The following NKAIN3 variants were observed in gnomAD, a reference collection of about 807,000 sequenced individuals.
NKAIN3 encodes sodium/potassium-transporting ATPase subunit beta-1-interacting protein 3.
In NKAIN3, 25 loss-of-function variants were observed where a neutral mutation model predicts 30.2. That is an observed-to-expected ratio of 0.83 (90% CI 0.60 to 1.16). NKAIN3 has a LOEUF of 1.16. NKAIN3 is among the 50% of genes most tolerant of loss of function. The pLI is 0.00. For missense variants in NKAIN3, 225 were observed against 254.1 expected, an observed-to-expected ratio of 0.89 and a Z score of 0.78; for synonymous variants, 91 against 89.6, an observed-to-expected ratio of 1.02 and a Z score of -0.09.
At chr8:62,852,811 C>T (rs1347532762) in intron 4 of NKAIN3, among the ~76,000 whole-genome samples, 1 of 152,152 alleles carries the variant, frequency 6.6e-6, no homozygotes, top group Non-Finnish European at 1.5e-5. Context: ...GCTCTGTGGT[C>T]TGAGAGACAG....
At chr8:62,522,905 T>G (rs1359597642) in intron 1 of NKAIN3, among the ~76,000 whole-genome samples, 1 of 152,100 alleles carries the variant, frequency 6.6e-6, no homozygotes, top group Non-Finnish European at 1.5e-5. Flanking sequence ...TAAGGTTAAC[T>G]TATTACTGAA....
At chr8:62,916,356 G>A (rs1486446199) in intron 4 of NKAIN3, among the ~76,000 whole-genome samples, 2 of 152,178 alleles carry the variant, frequency 1.3e-5, no homozygotes, top group African/African-American at 4.8e-5. Context: ...TGGGTCATAA[G>A]AGTATAAGTG....
chr8:62,848,372 A>G (rs1819756635), intron 4 of NKAIN3, among the ~76,000 whole-genome samples: 1 of 152,062 alleles, frequency 6.6e-6, no homozygotes, highest in South Asian at 2.1e-4. Flanking sequence ...TTCTTCTTAA[A>G]AATATCCTTC....
intron 1 of NKAIN3, among the ~76,000 whole-genome samples, chr8:62,391,979 C>T (rs567858931): frequency 9.9e-5 from 15 of 151,768 alleles, no homozygotes; most frequent in Admixed American, 2.0e-4. Flanking sequence ...AATCTCTGAC[C>T]CTCTCTCAAT....
At chr8:62,993,807 G>T (rs1307599344) in intron 5 of NKAIN3, among the ~76,000 whole-genome samples, 2 of 152,166 alleles carry the variant, frequency 1.3e-5, no homozygotes, top group Non-Finnish European at 2.9e-5. Flanking sequence ...TTAGAGAAAT[G>T]AATGAGGCAG....
At chr8:62,694,191 T>G (rs867677774) in intron 3 of NKAIN3, among the ~76,000 whole-genome samples, 4 of 152,176 alleles carry the variant, frequency 2.6e-5, no homozygotes, top group Non-Finnish European at 5.9e-5. Context: ...TTCTATCTAG[T>G]GGTGTTTTGG....
chr8:62,418,650 G>T (rs1451844), intron 1 of NKAIN3, among the ~76,000 whole-genome samples: 84,244 of 151,960 alleles, frequency 0.55, 25,748 homozygotes, highest in East Asian at 0.67. Context: ...GTTGTCTAAA[G>T]TATTACATTT....
intron 1 of NKAIN3, among the ~76,000 whole-genome samples, chr8:62,282,462 G>A (rs1480697717): frequency 6.6e-6 from 1 of 152,140 alleles, no homozygotes; most frequent in Non-Finnish European, 1.5e-5. Context: ...TCAATTCAGA[G>A]TATAGATTTT....
intron 1 of NKAIN3, among the ~76,000 whole-genome samples, chr8:62,256,416 C>T (rs1275686231): frequency 6.6e-6 from 1 of 151,772 alleles, no homozygotes; most frequent in East Asian, 1.9e-4. Flanking sequence ...AAGAATCTGT[C>T]TCTAAATAAA....
At chr8:62,366,380 C>A (rs974833789) in intron 1 of NKAIN3, among the ~76,000 whole-genome samples, 10 of 152,172 alleles carry the variant, frequency 6.6e-5, no homozygotes, top group African/African-American at 2.4e-4. Context: ...GCATGCACCA[C>A]TGTAGTTGAT....
chr8:62,899,308 T>C (rs1384991166), intron 4 of NKAIN3, among the ~76,000 whole-genome samples: 1 of 152,140 alleles, frequency 6.6e-6, no homozygotes, highest in Non-Finnish European at 1.5e-5. Flanking sequence ...CTGTTTACAA[T>C]AGGCAAAATT....
chr8:62,787,186 T>A (rs1167051619), intron 4 of NKAIN3, among the ~76,000 whole-genome samples: 1 of 152,182 alleles, frequency 6.6e-6, no homozygotes, highest in African/African-American at 2.4e-5. Flanking sequence ...ATGGCATTCC[T>A]CAAGCAATAA....
intron 1 of NKAIN3, among the ~76,000 whole-genome samples, chr8:62,414,509 C>G (rs368816908): frequency 6.6e-6 from 1 of 152,146 alleles, no homozygotes; most frequent in Non-Finnish European, 1.5e-5. Flanking sequence ...TTCTGCTGTT[C>G]GTGGCGTTAA....
chr8:62,874,278 C>A (rs1011740214), intron 4 of NKAIN3, among the ~76,000 whole-genome samples: 1 of 151,954 alleles, frequency 6.6e-6, no homozygotes. Flanking sequence ...AAGACTAAAC[C>A]AAGAGGAAGT....
chr8:62,564,865 T>C (rs917432930), intron 1 of NKAIN3, among the ~76,000 whole-genome samples: 1 of 152,124 alleles, frequency 6.6e-6, no homozygotes, highest in South Asian at 2.1e-4. Flanking sequence ...GCTAAAATAT[T>C]TAGAAAATTT....
At chr8:62,512,836 G>A (rs149005541) in intron 1 of NKAIN3, among the ~76,000 whole-genome samples, 331 of 152,182 alleles carry the variant, frequency 2.2e-3, no homozygotes, top group Non-Finnish European at 4.1e-3. Flanking sequence ...TTTCTGATTA[G>A]GAAATCTTTT....
chr8:62,860,273 G>A (rs551534846), intron 4 of NKAIN3, among the ~76,000 whole-genome samples: 1 of 152,320 alleles, frequency 6.6e-6, no homozygotes, highest in South Asian at 2.1e-4. Context: ...GGCAGCATCT[G>A]AGCAGACCTA....
intron 5 of NKAIN3, among the ~76,000 whole-genome samples, chr8:62,920,244 T>C (rs1822237709): frequency 6.6e-6 from 1 of 152,244 alleles, no homozygotes; most frequent in Admixed American, 6.5e-5. Flanking sequence ...AGTAGATACC[T>C]ACTTTTGAGT....
chr8:62,548,583 C>T (rs1809091474), intron 1 of NKAIN3, among the ~76,000 whole-genome samples: 1 of 151,996 alleles, frequency 6.6e-6, no homozygotes, highest in African/African-American at 2.4e-5. Context: ...GAAAAAAAAT[C>T]CTTATTGGAA....
Sources: allele counts gnomAD v4.1 joint callset (sites outside exome capture counted in the v4.1 genomes callset), GRCh38; gene constraint gnomAD v4.1.1; transcripts MANE v1.5; gene names NCBI Gene and HGNC (gene_info 2026-07-23, HGNC 2026-07-21).